Variants in DNAI4 observed in about 807,000 individuals in gnomAD.
DNAI4 encodes the protein WD repeat domain 78.
In DNAI4, 85 loss-of-function variants were observed where a neutral mutation model predicts 105.8. The observed-to-expected ratio is 0.80, with a 90% CI of 0.67 to 0.96. DNAI4 has a LOEUF of 0.96. DNAI4 is among the 40% of genes least tolerant of loss of function. DNAI4 has a pLI of 0.00. For synonymous variants in DNAI4, 352 were observed against 331.5 expected, an observed-to-expected ratio of 1.06 and a Z score of -0.67; for missense variants, 1,014 against 1,005.6, an observed-to-expected ratio of 1.01 and a Z score of -0.11.
Position 66,874,855 on chromosome 1 carries a change from C to G in DNAI4, c.726G>C (p.Glu242Asp), listed in dbSNP as rs1347893398. The part of the protein sequence containing the change: ...LEKNIEIILT[E>D]TETLRFFDLP... ...AGTCAAAAAATCTCAGTGTTTCTGT[C>G]TCTGTGAGTATTATCTCTATATTCT... is the stretch of plus-strand genomic sequence containing the variant. Residue 242 changes from glutamate (E) to aspartate (D), a missense_variant, in exon 5 of 17, where the codon GAG (glutamate) becomes GAC (aspartate). Coordinates refer to ENST00000371026, the MANE Select transcript of DNAI4 (RefSeq NM_024763.5). 3 of 1,613,640 alleles carry G rather than the reference C, an allele frequency of 1.9e-6. No individual in the cohort carries two copies. In the African/African-American group the frequency reaches 4.0e-5, roughly 22 times the overall value.
chr1:66,829,004 T>C (rs148665274), intron 13 of DNAI4, among the ~76,000 whole-genome samples: 7 of 152,246 alleles, frequency 4.6e-5, no homozygotes, highest in African/African-American at 9.6e-5. Context: ...CATGCCAGAG[T>C]GTTAGGGAGT....
intron 6 of DNAI4, among the ~76,000 whole-genome samples, chr1:66,866,690 C>T (rs958424583): frequency 2.0e-5 from 3 of 152,046 alleles, no homozygotes; most frequent in African/African-American, 4.8e-5. Context: ...TGATACTTTG[C>T]ATATATGAAA....
intron 7 of DNAI4, among the ~76,000 whole-genome samples, chr1:66,853,222 C>T (rs1407773741): frequency 2.0e-5 from 3 of 152,336 alleles, no homozygotes; most frequent in South Asian, 2.1e-4. Flanking sequence ...CCAGGAAGGG[C>T]GTGAGAAAGA....
intron 1 of DNAI4, among the ~76,000 whole-genome samples, chr1:66,919,449 AG>A (rs1650304350): frequency 6.6e-6 from 1 of 152,242 alleles, no homozygotes; most frequent in Non-Finnish European, 1.5e-5. Flanking sequence ...ACCTACTGGG[AG>A]CAGAAAATGC....
At chr1:66,912,944 C>G (rs1053263953) in intron 1 of DNAI4, among the ~76,000 whole-genome samples, 2 of 152,142 alleles carry the variant, frequency 1.3e-5, no homozygotes, top group Non-Finnish European at 2.9e-5. Flanking sequence ...TGCTAGGGAT[C>G]TAAAGTTTAT....
intron 6 of DNAI4, among the ~76,000 whole-genome samples, chr1:66,868,175 G>A (rs1646771614): frequency 6.6e-6 from 1 of 152,054 alleles, no homozygotes. Flanking sequence ...TGCCTTGAGG[G>A]TTCAAATTTA....
chr1:66,843,044 T>A (rs544712589), intron 8 of DNAI4, among the ~76,000 whole-genome samples: 8 of 151,654 alleles, frequency 5.3e-5, no homozygotes, highest in African/African-American at 1.7e-4. Context: ...CAGAACATTT[T>A]AAAAAATTAG....
chr1:66,841,670 C>T (rs1325763953), intron 8 of DNAI4, among the ~76,000 whole-genome samples: 1 of 152,106 alleles, frequency 6.6e-6, no homozygotes, highest in Non-Finnish European at 1.5e-5. Flanking sequence ...TGCACTTGGC[C>T]AAGATCCATC....
intron 16 of DNAI4, among the ~76,000 whole-genome samples, chr1:66,817,864 G>A (rs377722141): frequency 6.6e-6 from 1 of 152,282 alleles, no homozygotes; most frequent in South Asian, 2.1e-4. Context: ...CAGGGCTCAG[G>A]CTGGCAGCTA....
chr1:66,917,724 GAAAT>G (rs1650171990), intron 1 of DNAI4, among the ~76,000 whole-genome samples: 3 of 152,294 alleles, frequency 2.0e-5, no homozygotes, highest in African/African-American at 7.2e-5. Flanking sequence ...CCAGAATTTG[GAAAT>G]ATTTGTGAGT....
At chr1:66,847,000 G>C (rs1387191835) in intron 8 of DNAI4, among the ~76,000 whole-genome samples, 1 of 152,182 alleles carries the variant, frequency 6.6e-6, no homozygotes, top group African/African-American at 2.4e-5. Context: ...AAGTAACAAT[G>C]ACAATGGAAA....
intron 3 of DNAI4, 134 bp from the exon 4 acceptor site, chr1:66,891,400 T>C: frequency 1.7e-6 from 1 of 579,522 alleles, no homozygotes; most frequent in Non-Finnish European, 3.0e-6. Context: ...GATACATTAA[T>C]TTTTAAATAA....
At chr1:66,924,330 C>A (rs1370944500) in intron 1 of DNAI4, among the ~76,000 whole-genome samples, 3 of 152,190 alleles carry the variant, frequency 2.0e-5, no homozygotes, top group Non-Finnish European at 4.4e-5. Context: ...GCCACCACGT[C>A]CGGCTAACTT....
chr1:66,871,351 G>A lies in DNAI4; in HGVS notation c.940+19C>T. On this transcript the variant is annotated intron_variant, in intron 6 of 16. Coordinates refer to ENST00000371026, the MANE Select transcript of DNAI4 (RefSeq NM_024763.5). ...ATATTAGAACATTATAGTTTATCAAGCAGAATGATAGAAATTACCTTTATC... is the reference window on the plus strand; with the variant it reads ...ATATTAGAACATTATAGTTTATCAAACAGAATGATAGAAATTACCTTTATC... 3 of 1,586,750 alleles carry A rather than the reference G, an allele frequency of 1.9e-6. No homozygotes were observed. Among genetic ancestry groups the A allele is most frequent in the Non-Finnish European group, 2.6e-6 (3 of 1,163,970 alleles).
At chr1:66,857,263 A>G (rs1254880779) in intron 7 of DNAI4, among the ~76,000 whole-genome samples, 1 of 144,702 alleles carries the variant, frequency 6.9e-6, no homozygotes, top group African/African-American at 2.6e-5. Flanking sequence ...ACATGTTCTC[A>G]CTCATAGGTG....
intron 11 of DNAI4, 109 bp downstream of exon 11, chr1:66,835,517 G>A: frequency 8.8e-7 from 1 of 1,130,568 alleles, no homozygotes; most frequent in East Asian, 2.4e-5. Flanking sequence ...AAAAATAATG[G>A]TATCACTCTC....
chr1:66,913,115 T>C (rs2100868397), intron 1 of DNAI4, among the ~76,000 whole-genome samples: 1 of 152,296 alleles, frequency 6.6e-6, no homozygotes, highest in East Asian at 1.9e-4. Context: ...TGTTTGTTTT[T>C]TCTTTCCTGC....
intron 7 of DNAI4, chr1:66,860,934 A>G (rs1290361260): frequency 6.6e-6 from 1 of 152,188 alleles, no homozygotes; most frequent in African/African-American, 2.4e-5. Context: ...GTTCTCTTAG[A>G]AAATTAACTA....
chr1:66,847,708 A>G (rs1446939637), intron 7 of DNAI4, 30 bp from the exon 8 acceptor site: 2 of 1,454,466 alleles, frequency 1.4e-6, no homozygotes, highest in African/African-American at 2.9e-5. Flanking sequence ...TACAATGATA[A>G]AATATTCAAA....
Sources: gnomAD v4.1 joint callset for allele counts (sites outside exome capture counted in the v4.1 genomes callset) on GRCh38, gnomAD v4.1.1 for gene constraint, MANE v1.5 for transcripts, NCBI Gene and HGNC (gene_info 2026-07-23, HGNC 2026-07-21) for gene names.